Variants in ITGA11 observed in about 807,000 individuals in gnomAD.
ITGA11 encodes integrin alpha-11.
ITGA11 carries 97 observed loss-of-function variants against 141.9 expected under a neutral mutation model. The ratio of observed to expected loss-of-function variants is 0.68; its 90% CI spans 0.58 to 0.81. ITGA11 has a LOEUF of 0.81. Ranked by LOEUF, ITGA11 falls within the 30% of genes least tolerant of loss-of-function variation. ITGA11 has a pLI of 0.00. For missense variants in ITGA11, 1,387 were observed against 1,559.2 expected, an observed-to-expected ratio of 0.89 and a Z score of 1.86; for synonymous variants, 658 against 624.6, an observed-to-expected ratio of 1.05 and a Z score of -0.80.
chr15:68,417,021 ACCT>A (rs886258931), intron 1 of ITGA11, among the ~76,000 whole-genome samples: 3 of 151,696 alleles, frequency 2.0e-5, no homozygotes, highest in Non-Finnish European at 2.9e-5. Flanking sequence ...ATCAAAATGG[ACCT>A]CCTCTTTTTT....
In ITGA11 at chr15:68,357,224, C is replaced by A; in HGVS notation, c.676G>T (p.Val226Leu). The change falls in exon 7 of 30, where the codon GTG becomes TTG. Residue 226 changes from valine to leucine, a missense_variant. Coordinates refer to ENST00000315757, the MANE Select transcript of ITGA11 (RefSeq NM_001004439.2). ...TGCTCAATGTGGCTGGCAGCTTCCA[C>A]CACATCTTTTACAGACCTGTAGTCG... ...LNDYRSVKDV[V>L]EAASHIEQRG... The A allele has an allele frequency of 6.2e-7, 1 of 1,613,968 alleles. No homozygotes were observed. Among genetic ancestry groups the A allele is most frequent in the Non-Finnish European group, 8.5e-7 (1 of 1,179,892 alleles).
intron 3 of ITGA11, among the ~76,000 whole-genome samples, chr15:68,367,478 A>G (rs1567146799): frequency 6.6e-6 from 1 of 152,124 alleles, no homozygotes; most frequent in Non-Finnish European, 1.5e-5. Flanking sequence ...AACCTTCTCA[A>G]AAACTACCTG....
At chr15:68,426,882 G>A (rs548428490) in intron 1 of ITGA11, among the ~76,000 whole-genome samples, 2 of 152,098 alleles carry the variant, frequency 1.3e-5, no homozygotes, top group South Asian at 2.1e-4. Flanking sequence ...GGGTATGGTA[G>A]CACAGGCCTG....
chr15:68,334,412 C>T (rs1894279181), intron 12 of ITGA11, among the ~76,000 whole-genome samples: 2 of 152,204 alleles, frequency 1.3e-5, no homozygotes, highest in South Asian at 4.1e-4. Context: ...TGGTCACTGC[C>T]AAGCTGGTTG....
At chr15:68,407,331 G>A (rs1417862329) in intron 1 of ITGA11, among the ~76,000 whole-genome samples, 1 of 152,166 alleles carries the variant, frequency 6.6e-6, no homozygotes, top group African/African-American at 2.4e-5. Context: ...CAAAGTGCTG[G>A]TTTCGTCTCC....
chr15:68,417,021 A>G (rs937558827), intron 1 of ITGA11, among the ~76,000 whole-genome samples: 1 of 151,696 alleles, frequency 6.6e-6, no homozygotes, highest in Admixed American at 6.6e-5. Flanking sequence ...ATCAAAATGG[A>G]CCTCCTCTTT....
chr15:68,403,821 A>G (rs1055082043), intron 1 of ITGA11, among the ~76,000 whole-genome samples: 1 of 151,920 alleles, frequency 6.6e-6, no homozygotes, highest in Non-Finnish European at 1.5e-5. Flanking sequence ...ATTTTTTAGT[A>G]GAGACAGGGT....
intron 10 of ITGA11, among the ~76,000 whole-genome samples, chr15:68,342,910 T>C (rs779016731): frequency 2.3e-4 from 35 of 152,038 alleles, no homozygotes; most frequent in Non-Finnish European, 3.7e-4. Flanking sequence ...GGCGTGGTGG[T>C]GAGAGCAGGA....
chr15:68,319,846 G>A (rs1020492405), intron 20 of ITGA11, among the ~76,000 whole-genome samples: 3 of 152,222 alleles, frequency 2.0e-5, no homozygotes, highest in African/African-American at 7.2e-5. Flanking sequence ...AGCTTTAAAA[G>A]CCTCCCGATG....
intron 1 of ITGA11, among the ~76,000 whole-genome samples, chr15:68,407,674 C>G (rs540396534): frequency 6.6e-6 from 1 of 152,316 alleles, no homozygotes; most frequent in African/African-American, 2.4e-5. Flanking sequence ...CTGGGCTGCT[C>G]TCCTGTGGGC....
chr15:68,422,756 G>A (rs1897049506), intron 1 of ITGA11, among the ~76,000 whole-genome samples: 1 of 152,158 alleles, frequency 6.6e-6, no homozygotes, highest in African/African-American at 2.4e-5. Context: ...TTACCCAGGT[G>A]AACTCTCTCC....
At chr15:68,404,534 C>A (rs1194256039) in intron 1 of ITGA11, among the ~76,000 whole-genome samples, 1 of 152,168 alleles carries the variant, frequency 6.6e-6, no homozygotes, top group Non-Finnish European at 1.5e-5. Flanking sequence ...TCTGGGCCTC[C>A]TCACATCTGC....
intron 9 of ITGA11, among the ~76,000 whole-genome samples, 157 bp downstream of exon 9, chr15:68,350,460 G>A (rs1894869585): frequency 6.6e-6 from 1 of 152,096 alleles, no homozygotes; most frequent in African/African-American, 2.4e-5. Context: ...AAAGTGCTGG[G>A]GTTACAGGCG....
At chr15:68,395,672 C>A in intron 2 of ITGA11, among the ~76,000 whole-genome samples, 1 of 60,524 alleles carries the variant, frequency 1.7e-5, no homozygotes, top group South Asian at 7.5e-4. Context: ...TGTGAAAAGA[C>A]AATGAGATCA....
chr15:68,377,602 C>T (rs1285983007), intron 2 of ITGA11, among the ~76,000 whole-genome samples: 1 of 152,204 alleles, frequency 6.6e-6, no homozygotes, highest in African/African-American at 2.4e-5. Flanking sequence ...TTCTCCTTCC[C>T]CTTCTCAATC....
rs1894821387 is a variant in ITGA11, at chr15:68,348,879, G to A, written c.1082C>T (p.Ser361Phe). 1 of 1,608,504 alleles carries A rather than the reference G, an allele frequency of 6.2e-7. No homozygotes were observed. ...CGTCTGTGACATCTCCAGCCCAAAG[G>A]AGGTCTCGTTCTTGTTGGTGCCTGC... ...SLEGTNKNET[S>F]FGLEMSQTGF... is the part of the protein sequence containing the mutation. The change falls in exon 10 of 30, where the codon TCC (serine) becomes TTC (phenylalanine). Residue 361 changes from serine (S) to phenylalanine (F), a missense_variant. Coordinates refer to ENST00000315757, the MANE Select transcript of ITGA11 (RefSeq NM_001004439.2).
At chr15:68,339,240 T>C (rs74020035) in intron 11 of ITGA11, among the ~76,000 whole-genome samples, 7,981 of 152,100 alleles carry the variant, frequency 0.052, 698 homozygotes, top group African/African-American at 0.18. Flanking sequence ...ATGAAACACA[T>C]TGAAGGGAGT....
Position 68,307,710 on chromosome 15 carries a change from TG to T in ITGA11, c.3175-15del. ...GTTGCTGTGATTCTGAAAGAGAAGA[TG>T]GGTCTCAGGGCTGAGCTGCTGGGCT... On this transcript the variant is annotated splice_polypyrimidine_tract_variant and intron_variant, in intron 26 of 29. Transcript: ENST00000315757. This position sits in a 1 kb window ranked among gnomAD's most constrained non-coding sequence, Gnocchi z 6.1. 1 of 1,588,870 alleles carries T rather than the reference TG, an allele frequency of 6.3e-7. No homozygotes were observed. The highest frequency in any genetic ancestry group is 8.6e-7 in the Non-Finnish European group (1 of 1,157,926).
intron 1 of ITGA11, among the ~76,000 whole-genome samples, chr15:68,425,312 T>A (rs1034633037): frequency 2.0e-5 from 3 of 152,170 alleles, no homozygotes; most frequent in Non-Finnish European, 4.4e-5. Context: ...ATCTAGAAAT[T>A]CTTAGTAATT....
Sources: allele counts gnomAD v4.1 joint callset (sites outside exome capture counted in the v4.1 genomes callset), GRCh38; gene constraint gnomAD v4.1.1; non-coding constraint Gnocchi (gnomAD v3.1); transcripts MANE v1.5; gene names NCBI Gene and HGNC (gene_info 2026-07-23, HGNC 2026-07-21).